The following RARB variants were observed in gnomAD, a reference collection of about 807,000 sequenced individuals.
RARB encodes HBV-activated protein.
Under a neutral mutation model 51.9 loss-of-function variants are expected in RARB, and 17 were observed. That is an observed-to-expected ratio of 0.33 (90% CI 0.22 to 0.49). The LOEUF (loss-of-function observed/expected upper bound fraction) is 0.49, where lower values mean the gene tolerates loss of function less well. Ranked by LOEUF, RARB falls within the 20% of genes least tolerant of loss-of-function variation. The pLI is 0.99. For synonymous variants in RARB, 215 were observed against 195.4 expected, an observed-to-expected ratio of 1.10 and a Z score of -0.84; for missense variants, 369 against 550.8, an observed-to-expected ratio of 0.67 and a Z score of 3.30.
chr3:25,049,215 T>G (rs1282097368), intron 2 of RARB, among the ~76,000 whole-genome samples: 1 of 152,106 alleles, frequency 6.6e-6, no homozygotes, highest in Non-Finnish European at 1.5e-5. Flanking sequence ...GTGGAAGAAC[T>G]AAGGAACTGG....
intron 3 of RARB, among the ~76,000 whole-genome samples, chr3:25,118,055 A>G (rs549405663): frequency 6.6e-6 from 1 of 152,338 alleles, no homozygotes; most frequent in South Asian, 2.1e-4. Flanking sequence ...CATGATTTAT[A>G]GTGTTCATAA....
chr3:25,063,559 A>G lies in RARB; in HGVS notation c.-328+3383A>G, dbSNP rs77778220. 4.1e-3 allele frequency among the ~76,000 whole-genome samples: 619 copies of G among 152,206 alleles called. 2 individuals carry two copies. The highest frequency in any genetic ancestry group is 0.014 in the African/African-American group (591 of 41,550). ...ACAAAAATGTACAGGCCTAAATAAAAATATGAAATAAATGTGAGTGAAAAA... is the reference window on the plus strand; with the variant it reads ...ACAAAAATGTACAGGCCTAAATAAAGATATGAAATAAATGTGAGTGAAAAA... On this transcript the variant is annotated intron_variant, in intron 3 of 11. Coordinates refer to the RARB transcript ENST00000383772.
At chr3:24,893,936 T>C (rs1325334419) in intron 2 of RARB, among the ~76,000 whole-genome samples, 1 of 152,242 alleles carries the variant, frequency 6.6e-6, no homozygotes, top group Non-Finnish European at 1.5e-5. Context: ...AAAACAATTA[T>C]ACTTTCAGTG....
At chr3:25,325,725 C>T (rs1704696432) in intron 5 of RARB, among the ~76,000 whole-genome samples, 3 of 151,344 alleles carry the variant, frequency 2.0e-5, no homozygotes, top group Admixed American at 2.0e-4. Context: ...GGTTCTTCTC[C>T]CTTTTTTCCT....
intron 5 of RARB, among the ~76,000 whole-genome samples, chr3:25,318,890 G>A (rs1357244219): frequency 6.6e-6 from 1 of 152,090 alleles, no homozygotes; most frequent in Non-Finnish European, 1.5e-5. Flanking sequence ...TTTTCTCTGT[G>A]TGTCAATTTA....
chr3:25,064,546 AT>A (rs1268876933), intron 3 of RARB, among the ~76,000 whole-genome samples: 1 of 152,188 alleles, frequency 6.6e-6, no homozygotes, highest in Non-Finnish European at 1.5e-5. Flanking sequence ...TATGTAGCTA[AT>A]TATTCCAAAA....
chr3:25,339,799 A>G (rs1038976880), intron 5 of RARB, among the ~76,000 whole-genome samples: 3 of 152,166 alleles, frequency 2.0e-5, no homozygotes, highest in African/African-American at 7.2e-5. Flanking sequence ...ACTGGGCTCA[A>G]CTAATCACAT....
intron 2 of RARB, among the ~76,000 whole-genome samples, chr3:25,001,958 A>G (rs950556955): frequency 2.6e-5 from 4 of 152,074 alleles, no homozygotes; most frequent in Non-Finnish European, 5.9e-5. Context: ...TTTTATAGAT[A>G]CAGGGTTTCA....
intron 1 of RARB, among the ~76,000 whole-genome samples, chr3:24,835,521 C>T (rs192856796): frequency 2.6e-4 from 39 of 152,076 alleles, no homozygotes; most frequent in Non-Finnish European, 4.6e-4. Context: ...ACTAAAAGTT[C>T]GGCACATGTT....
chr3:25,248,464 A>G (rs1407711621), intron 5 of RARB, among the ~76,000 whole-genome samples: 1 of 151,874 alleles, frequency 6.6e-6, no homozygotes, highest in Non-Finnish European at 1.5e-5. Context: ...CCTGTTTATC[A>G]TTGTGTTTTG....
intron 1 of RARB, among the ~76,000 whole-genome samples, chr3:24,854,000 A>AGT (rs894811645): frequency 2.7e-4 from 41 of 152,138 alleles, no homozygotes; most frequent in African/African-American, 9.4e-4. Flanking sequence ...TGAAGAACTA[A>AGT]GTGTGTGTGT....
At chr3:25,594,412 T>A (rs1701732536) in intron 6 of RARB, 108 bp from the exon 7 acceptor site, 2 of 1,215,734 alleles carry the variant, frequency 1.6e-6, no homozygotes, top group African/African-American at 3.1e-5. Context: ...GTGTATGTAA[T>A]TGAATTACCA....
At chr3:25,302,758 G>C (rs1391005124) in intron 5 of RARB, among the ~76,000 whole-genome samples, 4 of 152,214 alleles carry the variant, frequency 2.6e-5, no homozygotes, top group Non-Finnish European at 5.9e-5. Flanking sequence ...TTATGTTATT[G>C]TGAATTGTAT....
chr3:24,998,907 T>A (rs913030980), intron 2 of RARB, among the ~76,000 whole-genome samples: 1 of 152,132 alleles, frequency 6.6e-6, no homozygotes, highest in Non-Finnish European at 1.5e-5. Flanking sequence ...TGTGCTAGGA[T>A]CTTTCACATG....
chr3:25,239,516 T>C (rs1702379962), intron 5 of RARB, among the ~76,000 whole-genome samples: 1 of 152,200 alleles, frequency 6.6e-6, no homozygotes, highest in Non-Finnish European at 1.5e-5. Flanking sequence ...TTCTTCTGCA[T>C]ATGGGTGTCC....
chr3:24,975,576 T>C (rs1383090088), intron 2 of RARB, among the ~76,000 whole-genome samples: 2 of 152,160 alleles, frequency 1.3e-5, no homozygotes, highest in Admixed American at 1.3e-4. Context: ...CCTCCCCTAT[T>C]ATACAGGATG....
chr3:24,874,627 T>G (rs1199702042), intron 2 of RARB, among the ~76,000 whole-genome samples: 1 of 152,026 alleles, frequency 6.6e-6, no homozygotes, highest in Non-Finnish European at 1.5e-5. Context: ...TTGATTAGAT[T>G]TTGACTCATT....
chr3:25,488,908 A>G (rs1377270696), intron 2 of RARB, among the ~76,000 whole-genome samples: 3 of 152,202 alleles, frequency 2.0e-5, no homozygotes, highest in Non-Finnish European at 4.4e-5. Context: ...CTCTTTTATT[A>G]CGGAGACTGT....
chr3:25,518,466 G>A lies in RARB; in HGVS notation c.448+17143G>A, dbSNP rs144059975. ...ATTTAGGATGTCCTTGACATTTTTCGTTGCTCTTCCTCAGGACATCCCTCC... is the reference window on the plus strand; with the variant it reads ...ATTTAGGATGTCCTTGACATTTTTCATTGCTCTTCCTCAGGACATCCCTCC... On this transcript the variant is annotated intron_variant, in intron 3 of 7. Coordinates refer to ENST00000330688, the MANE Select transcript of RARB (RefSeq NM_000965.5). Among the ~76,000 whole-genome samples the A allele has an allele frequency of 1.2e-4, 18 of 151,332 alleles. No homozygotes were observed. The East Asian group carries it at 1.9e-3, about 16-fold the overall frequency.
Sources: gnomAD v4.1 joint callset for allele counts (sites outside exome capture counted in the v4.1 genomes callset) on GRCh38, gnomAD v4.1.1 for gene constraint, MANE v1.5 for transcripts, NCBI Gene and HGNC (gene_info 2026-07-23, HGNC 2026-07-21) for gene names.